The following SORCS2 variants were observed in gnomAD, a reference collection of about 807,000 sequenced individuals.
The protein encoded by SORCS2 is sortilin related VPS10 domain containing receptor 2, also known as VPS10 domain-containing receptor SorCS2.
A neutral mutation model predicts 141.6 loss-of-function variants in SORCS2; 100 were observed. That is an observed-to-expected ratio of 0.71 (90% CI 0.60 to 0.83). The LOEUF (loss-of-function observed/expected upper bound fraction) is 0.83. Among genes scored for constraint, SORCS2 ranks in the 40% least tolerant of loss-of-function variants. The pLI, the probability that SORCS2 is intolerant of heterozygous loss-of-function variation, is 0.00. For synonymous variants in SORCS2, 789 were observed against 676.9 expected, an observed-to-expected ratio of 1.17 and a Z score of -2.57; for missense variants, 1,646 against 1,560.2, an observed-to-expected ratio of 1.05 and a Z score of -0.93.
chr4:7,525,705 A>G (rs1733627857), intron 2 of SORCS2, among the ~76,000 whole-genome samples: 1 of 144,824 alleles, frequency 6.9e-6, no homozygotes, highest in African/African-American at 2.6e-5. Context: ...CACCTCAGTC[A>G]CTTGTCCCTT....
chr4:7,315,451 C>G (rs1718492402), intron 1 of SORCS2, among the ~76,000 whole-genome samples: 1 of 152,258 alleles, frequency 6.6e-6, no homozygotes, highest in African/African-American at 2.4e-5. Context: ...TGAACACTGA[C>G]TGGCTGTCTG....
At chr4:7,274,877 C>T (rs935554033) in intron 1 of SORCS2, among the ~76,000 whole-genome samples, 1 of 152,110 alleles carries the variant, frequency 6.6e-6, no homozygotes, top group African/African-American at 2.4e-5. Context: ...CACCCTGCTC[C>T]CCCATCACGT....
intron 3 of SORCS2, among the ~76,000 whole-genome samples, chr4:7,628,067 C>T (rs1034928714): frequency 2.0e-5 from 3 of 152,190 alleles, no homozygotes; most frequent in East Asian, 1.9e-4. Context: ...TGCCTGTCAG[C>T]GGTCATGTGA....
intron 2 of SORCS2, among the ~76,000 whole-genome samples, chr4:7,459,740 GC>G (rs1026927030): frequency 6.6e-6 from 1 of 152,190 alleles, no homozygotes; most frequent in Non-Finnish European, 1.5e-5. Context: ...CCTCTCCATG[GC>G]CAGCCCTGCT....
At chr4:7,513,367 A>G (rs1386468293) in intron 2 of SORCS2, among the ~76,000 whole-genome samples, 1 of 152,178 alleles carries the variant, frequency 6.6e-6, no homozygotes, top group Non-Finnish European at 1.5e-5. Flanking sequence ...GGCTGCTGGA[A>G]GAAGCTCCCC....
intron 2 of SORCS2, among the ~76,000 whole-genome samples, chr4:7,442,714 G>A (rs370473809): frequency 4.1e-5 from 6 of 146,216 alleles, no homozygotes; most frequent in East Asian, 4.1e-4. Flanking sequence ...TCAACAAAGC[G>A]GAGAGCAGCA....
At chr4:7,643,311 T>G (rs1411473279) in intron 4 of SORCS2, among the ~76,000 whole-genome samples, 2 of 152,206 alleles carry the variant, frequency 1.3e-5, no homozygotes, top group African/African-American at 4.8e-5. Flanking sequence ...CACGCCAGCT[T>G]CCTGGGGGCT....
At chr4:7,224,885 T>C (rs1380099189) in intron 1 of SORCS2, among the ~76,000 whole-genome samples, 4 of 152,226 alleles carry the variant, frequency 2.6e-5, no homozygotes, top group Non-Finnish European at 1.5e-5. Context: ...GCTTCATTAA[T>C]TATGAGTTGT....
chr4:7,644,604 A>G (rs898345449), intron 4 of SORCS2, among the ~76,000 whole-genome samples: 1 of 152,210 alleles, frequency 6.6e-6, no homozygotes, highest in Admixed American at 6.5e-5. Context: ...AAGCATGTTG[A>G]GTGCCACCAA....
intron 9 of SORCS2, among the ~76,000 whole-genome samples, chr4:7,679,310 C>T (rs28438707): frequency 0.03 from 4,593 of 152,256 alleles, 250 homozygotes; most frequent in African/African-American, 0.1. Context: ...TCCCCTGCCC[C>T]CAAGGAGCCC....
chr4:7,475,736 A>C (rs151001534), intron 2 of SORCS2, among the ~76,000 whole-genome samples: 3 of 152,228 alleles, frequency 2.0e-5, no homozygotes, highest in Non-Finnish European at 4.4e-5. Flanking sequence ...GCACATATAC[A>C]TGACCCCTGC....
At chr4:7,650,619 G>C (rs1432301554) in intron 4 of SORCS2, among the ~76,000 whole-genome samples, 1 of 152,160 alleles carries the variant, frequency 6.6e-6, no homozygotes, top group Non-Finnish European at 1.5e-5. Context: ...TTTATAGATG[G>C]GGAAACTGAG....
chr4:7,433,810 T>G (rs1727070756), intron 2 of SORCS2: 1 of 1,613,582 alleles, frequency 6.2e-7, no homozygotes, highest in South Asian at 1.1e-5. Flanking sequence ...GCACACCTTC[T>G]CTGGGGTGAT....
intron 3 of SORCS2, among the ~76,000 whole-genome samples, chr4:7,610,350 C>T (rs1401020729): frequency 6.6e-6 from 1 of 152,130 alleles, no homozygotes; most frequent in Admixed American, 6.5e-5. Flanking sequence ...GGCTGAGCTC[C>T]AGAGGACTGG....
chr4:7,619,139 C>T (rs556104215), intron 3 of SORCS2, among the ~76,000 whole-genome samples: 2 of 152,316 alleles, frequency 1.3e-5, no homozygotes, highest in Admixed American at 6.5e-5. Flanking sequence ...TCACCCCTCT[C>T]GAGGGTCAGC....
rs1713836340 is a variant in SORCS2, at chr4:7,255,907, CGTGGGGCCCCGGGGCTGG to C, written c.480+62782_480+62799del. Among the ~76,000 whole-genome samples the C allele has an allele frequency of 8.1e-4, 5 of 6,164 alleles. No homozygotes were observed. The East Asian group carries it at 0.012, about 14-fold the overall frequency. 4.0% of individuals were successfully genotyped at this position (6,164 alleles called of 152,430 possible). ...GGAGCGTGGGGACCCGGGGCTGGAG[CGTGGGGCCCCGGGGCTGG>C]AGCGTGGGGACCCGGGGCTGGAGCG... On this transcript the variant is annotated intron_variant, in intron 1 of 26. Transcript: ENST00000507866.
chr4:7,263,856 G>A (rs982933529), intron 1 of SORCS2, among the ~76,000 whole-genome samples: 9 of 152,214 alleles, frequency 5.9e-5, no homozygotes, highest in African/African-American at 1.7e-4. Context: ...GTTCATCCAC[G>A]GAGCTTGCTG....
At chr4:7,425,502 C>G (rs1284406680) in intron 2 of SORCS2, among the ~76,000 whole-genome samples, 1 of 152,180 alleles carries the variant, frequency 6.6e-6, no homozygotes, top group Non-Finnish European at 1.5e-5. Flanking sequence ...TCCCACTGTC[C>G]TAAATAAATG....
At chr4:7,698,873 G>C (rs1304174335) in intron 12 of SORCS2, among the ~76,000 whole-genome samples, 2 of 152,018 alleles carry the variant, frequency 1.3e-5, no homozygotes, top group Non-Finnish European at 2.9e-5. Context: ...AAGTTTCTTG[G>C]GGTGGGCTGA....
Sources: allele counts gnomAD v4.1 joint callset (sites outside exome capture counted in the v4.1 genomes callset), GRCh38; gene constraint gnomAD v4.1.1; transcripts MANE v1.5; gene names NCBI Gene and HGNC (gene_info 2026-07-23, HGNC 2026-07-21).